Variants in SHANK2 observed in about 807,000 individuals in gnomAD.
SHANK2 encodes SH3 and multiple ankyrin repeat domains protein 2.
A neutral mutation model predicts 133.7 loss-of-function variants in SHANK2; 43 were observed. The ratio of observed to expected loss-of-function variants is 0.32; its 90% CI spans 0.25 to 0.41. The LOEUF (loss-of-function observed/expected upper bound fraction) is 0.41. SHANK2 is among the 10% of genes least tolerant of loss of function. SHANK2 has a pLI of 1.00. For missense variants in SHANK2, 1,994 were observed against 2,235.8 expected (o/e 0.89, Z 2.18); for synonymous variants, 1,017 against 952.8 (o/e 1.07, Z -1.24).
chr11:70,912,301 T>C (rs1950206993), intron 10 of SHANK2, among the ~76,000 whole-genome samples: 1 of 152,118 alleles, frequency 6.6e-6, no homozygotes, highest in Non-Finnish European at 1.5e-5. Flanking sequence ...TTTTTTAAAA[T>C]TGGACTAGTT....
At chr11:70,759,459 G>C (rs1946943177) in intron 14 of SHANK2, among the ~76,000 whole-genome samples, 1 of 152,192 alleles carries the variant, frequency 6.6e-6, no homozygotes, top group Non-Finnish European at 1.5e-5. Context: ...TCCAGCCTGG[G>C]CTACAGAGCA....
chr11:70,624,605 GC>G (rs138528335), intron 17 of SHANK2, among the ~76,000 whole-genome samples: 1 of 151,784 alleles, frequency 6.6e-6, no homozygotes, highest in Non-Finnish European at 1.5e-5. Flanking sequence ...GGGTGATGGT[GC>G]CCCCCCAAAC....
chr11:70,511,130 A>C (rs1286467055), intron 17 of SHANK2, among the ~76,000 whole-genome samples: 1 of 152,168 alleles, frequency 6.6e-6, no homozygotes, highest in Non-Finnish European at 1.5e-5. Flanking sequence ...ATGCCAACGG[A>C]GTGTGCCCCA....
chr11:70,627,189 G>A (rs1555000251), intron 17 of SHANK2, among the ~76,000 whole-genome samples: 2 of 152,124 alleles, frequency 1.3e-5, no homozygotes, highest in African/African-American at 4.8e-5. Flanking sequence ...CTCCTTCTTG[G>A]GCACACACAG....
intron 15 of SHANK2, among the ~76,000 whole-genome samples, chr11:70,662,377 C>T (rs1944576741): frequency 6.6e-6 from 1 of 152,146 alleles, no homozygotes; most frequent in Non-Finnish European, 1.5e-5. Flanking sequence ...GCTGCCTGGG[C>T]GTCATCCCGC....
chr11:71,130,341 T>C (rs184498331), intron 3 of SHANK2, among the ~76,000 whole-genome samples: 27 of 152,266 alleles, frequency 1.8e-4, no homozygotes, highest in African/African-American at 6.0e-4. Flanking sequence ...CGCCGAAAAG[T>C]ATCCGGCCTG....
intron 2 of SHANK2, among the ~76,000 whole-genome samples, chr11:71,220,358 A>C (rs1954510871): frequency 1.3e-5 from 2 of 152,194 alleles, no homozygotes; most frequent in African/African-American, 2.4e-5. Flanking sequence ...GCTGTGGAAA[A>C]CAGTACGGCA....
chr11:70,883,219 C>T (rs1403595922), intron 11 of SHANK2, among the ~76,000 whole-genome samples: 1 of 152,166 alleles, frequency 6.6e-6, no homozygotes, highest in Non-Finnish European at 1.5e-5. Flanking sequence ...TGAGCCCAGG[C>T]CTGGCTCTGA....
intron 15 of SHANK2, among the ~76,000 whole-genome samples, chr11:70,670,071 T>G (rs1191082384): frequency 3.3e-5 from 5 of 152,188 alleles, no homozygotes; most frequent in Admixed American, 6.5e-5. Flanking sequence ...TGGTGGGACC[T>G]GGGAAAGCCA....
intron 17 of SHANK2, among the ~76,000 whole-genome samples, chr11:70,652,826 T>C (rs2061352401): frequency 1.3e-5 from 2 of 152,056 alleles, no homozygotes; most frequent in Admixed American, 1.3e-4. Flanking sequence ...AGAAAGTTGA[T>C]TGAATGCCAG....
At position 70,775,122 on chromosome 11, in the gene SHANK2, G is replaced by T. The variant is rs146234210; in HGVS notation, c.1777+23321C>A. Among the ~76,000 whole-genome samples the T allele has an allele frequency of 8.1e-3, 1,230 of 152,238 alleles. 21 individuals carry two copies. Among genetic ancestry groups the T allele is most frequent in the African/African-American group, 0.029 (1,194 of 41,552 alleles). On this transcript the variant is annotated intron_variant, in intron 14 of 25. Transcript: ENST00000601538. Reference sequence around the variant, plus strand: ...TGCAGTGAGCTATGATTGCACCACCGCACTCCAGTCTGGGCGACAAAGGCA... The same window carrying T: ...TGCAGTGAGCTATGATTGCACCACCTCACTCCAGTCTGGGCGACAAAGGCA...
intron 14 of SHANK2, 23 bp from the exon 15 acceptor site, chr11:70,698,786 C>A (rs1196280628): frequency 1.4e-5 from 10 of 718,448 alleles, no homozygotes; most frequent in Non-Finnish European, 2.1e-5. Flanking sequence ...GGAAGAGAAA[C>A]ACCATTCAGA....
At position 71,214,756 on chromosome 11, in the gene SHANK2, C is replaced by T. The variant is rs1012348474; in HGVS notation, c.-13+9941G>A. ...CCCTGTCCTCTGGGGTGGGGTATCG[C>T]GCAGTTCTGACTGGGACCCATGCAG... On this transcript the variant is annotated intron_variant, in intron 2 of 25. Coordinates refer to ENST00000601538, the MANE Select transcript of SHANK2 (RefSeq NM_012309.5). Among the ~76,000 whole-genome samples, 10 of 152,232 alleles carry T rather than the reference C, an allele frequency of 6.6e-5. No homozygotes were observed. The East Asian group carries it at 1.2e-3, about 18-fold the overall frequency.
chr11:70,645,221 AAAAC>A (rs1565209265), intron 17 of SHANK2, among the ~76,000 whole-genome samples: 1 of 152,124 alleles, frequency 6.6e-6, no homozygotes, highest in African/African-American at 2.4e-5. Flanking sequence ...AACAAAAACA[AAAAC>A]AAAAATAAAA....
intron 8 of SHANK2, among the ~76,000 whole-genome samples, chr11:71,079,545 G>C (rs1244916903): frequency 2.0e-5 from 3 of 151,998 alleles, no homozygotes; most frequent in African/African-American, 7.2e-5. Context: ...CGGATCACGA[G>C]GTCAGGAGAT....
chr11:70,933,925 A>G, intron 10 of SHANK2, among the ~76,000 whole-genome samples: 1 of 150,230 alleles, frequency 6.7e-6, no homozygotes, highest in East Asian at 2.0e-4. Context: ...CAAAAAACAA[A>G]CAAACAAACA....
chr11:70,559,345 C>T (rs2059876960), intron 17 of SHANK2, among the ~76,000 whole-genome samples: 1 of 152,174 alleles, frequency 6.6e-6, no homozygotes, highest in Non-Finnish European at 1.5e-5. Flanking sequence ...TTTTAGAACA[C>T]TTTTAGCTTT....
chr11:71,221,867 G>T (rs1308638638), intron 2 of SHANK2, among the ~76,000 whole-genome samples: 1 of 152,118 alleles, frequency 6.6e-6, no homozygotes, highest in Admixed American at 6.5e-5. Context: ...GCACGGGGGC[G>T]TGAGGTGCCC....
At chr11:70,909,260 G>C (rs782733299) in intron 10 of SHANK2, among the ~76,000 whole-genome samples, 1 of 152,206 alleles carries the variant, frequency 6.6e-6, no homozygotes, top group Non-Finnish European at 1.5e-5. Context: ...GTGGGACCCT[G>C]GGGCTAGAAA....
Sources: allele counts gnomAD v4.1 joint callset (sites outside exome capture counted in the v4.1 genomes callset), GRCh38; gene constraint gnomAD v4.1.1; transcripts MANE v1.5; gene names NCBI Gene and HGNC (gene_info 2026-07-23, HGNC 2026-07-21).